Variants in CNTN4 observed in about 807,000 individuals in gnomAD.
CNTN4 encodes contactin-4.
Under a neutral mutation model 122.5 loss-of-function variants are expected in CNTN4, and 77 were observed. That is an observed-to-expected ratio of 0.63 (90% confidence interval 0.52 to 0.76). The LOEUF (loss-of-function observed/expected upper bound fraction) is 0.76, where lower values mean the gene tolerates loss of function less well. Ranked by LOEUF, CNTN4 falls within the 30% of genes least tolerant of loss-of-function variation. CNTN4 has a pLI of 0.00. For synonymous variants in CNTN4, 512 were observed against 447.0 expected (o/e 1.15, Z -1.83); for missense variants, 1,256 against 1,259.1 (o/e 1.00, Z 0.04).
chr3:2,816,683 T>C (rs6775981), intron 6 of CNTN4, among the ~76,000 whole-genome samples: 27,089 of 151,140 alleles, frequency 0.18, 2,688 homozygotes, highest in East Asian at 0.44. Context: ...TAGCTGGGCG[T>C]GGTGGTGCAT....
At chr3:2,116,499 G>A (rs1006922935) in intron 2 of CNTN4, among the ~76,000 whole-genome samples, 1 of 152,154 alleles carries the variant, frequency 6.6e-6, no homozygotes, top group African/African-American at 2.4e-5. Flanking sequence ...CTCTGGGAAT[G>A]AGTTTTAGGA....
intron 3 of CNTN4, among the ~76,000 whole-genome samples, chr3:2,391,598 G>A (rs574059133): frequency 6.6e-6 from 1 of 152,118 alleles, no homozygotes; most frequent in East Asian, 1.9e-4. Context: ...TTTTTTGTTG[G>A]GAAGTATAAT....
At chr3:2,168,219 A>G (rs765883004) in intron 2 of CNTN4, among the ~76,000 whole-genome samples, 36 of 152,342 alleles carry the variant, frequency 2.4e-4, no homozygotes, top group Middle Eastern at 3.4e-3. Flanking sequence ...AAATTTGATC[A>G]TATATGTAAA....
chr3:2,485,143 C>T (rs538418129), intron 3 of CNTN4, among the ~76,000 whole-genome samples: 26 of 152,342 alleles, frequency 1.7e-4, no homozygotes, highest in African/African-American at 4.3e-4. Flanking sequence ...GCTGCCTCCC[C>T]GTGGGGCAGG....
intron 4 of CNTN4, among the ~76,000 whole-genome samples, chr3:2,715,620 A>G (rs939062392): frequency 6.6e-6 from 1 of 152,198 alleles, no homozygotes; most frequent in African/African-American, 2.4e-5. Flanking sequence ...GGTAGTTCGA[A>G]CTATAGAAAT....
At chr3:2,221,702 A>T (rs974190197) in intron 2 of CNTN4, among the ~76,000 whole-genome samples, 5 of 152,144 alleles carry the variant, frequency 3.3e-5, no homozygotes, top group African/African-American at 9.6e-5. Flanking sequence ...AACAATAACA[A>T]GAATAATAAC....
At chr3:2,292,713 A>G (rs1481713213) in intron 2 of CNTN4, among the ~76,000 whole-genome samples, 1 of 152,224 alleles carries the variant, frequency 6.6e-6, no homozygotes, top group Non-Finnish European at 1.5e-5. Flanking sequence ...ACATTTTAAT[A>G]TTCATACATA....
chr3:2,295,743 G>A (rs1366939887), intron 2 of CNTN4, among the ~76,000 whole-genome samples: 1 of 152,088 alleles, frequency 6.6e-6, no homozygotes, highest in Admixed American at 6.5e-5. Flanking sequence ...TAGACATGAA[G>A]TCCTTGCCCA....
intron 3 of CNTN4, among the ~76,000 whole-genome samples, chr3:2,366,688 C>T (rs931926664): frequency 6.6e-6 from 1 of 151,666 alleles, no homozygotes; most frequent in Non-Finnish European, 1.5e-5. Flanking sequence ...GATTGCACCA[C>T]TGCGCTCCAG....
chr3:2,327,153 T>TGTGTGTGTGTTTG (rs1559455687), intron 2 of CNTN4, among the ~76,000 whole-genome samples: 3 of 114,118 alleles, frequency 2.6e-5, no homozygotes, highest in African/African-American at 6.0e-5. Flanking sequence ...GTGTGTGTGT[T>TGTGTGTGTGTTTG]TGTGTGTGTG....
intron 4 of CNTN4, among the ~76,000 whole-genome samples, chr3:2,627,825 C>T (rs2082271201): frequency 6.6e-6 from 1 of 152,114 alleles, no homozygotes; most frequent in African/African-American, 2.4e-5. Context: ...TGCATCAAAG[C>T]TTGTTTATTA....
At chr3:2,176,818 A>G (rs573824336) in intron 2 of CNTN4, among the ~76,000 whole-genome samples, 1 of 152,330 alleles carries the variant, frequency 6.6e-6, no homozygotes, top group South Asian at 2.1e-4. Context: ...AGCACAAGTA[A>G]TGCAAGAAAT....
At chr3:2,933,085 G>A (rs1348250064) in intron 13 of CNTN4, among the ~76,000 whole-genome samples, 1 of 152,142 alleles carries the variant, frequency 6.6e-6, no homozygotes, top group Admixed American at 6.5e-5. Context: ...GCCTCCCAAA[G>A]TGCTGGGATT....
chr3:2,493,088 G>A lies in CNTN4; in HGVS notation c.-88-78328G>A, dbSNP rs1551997. Reference sequence around the variant, plus strand: ...ATCTGAAAGTTCTTAAATTGTAGGCGTAAATGTTTCATTTTAATTGTGCAT... The same window carrying A: ...ATCTGAAAGTTCTTAAATTGTAGGCATAAATGTTTCATTTTAATTGTGCAT... On this transcript the variant is annotated intron_variant, in intron 3 of 24. Coordinates refer to ENST00000418658, the MANE Select transcript of CNTN4 (RefSeq NM_175607.3). Among the ~76,000 whole-genome samples, 101,417 of 152,040 alleles carry A rather than the reference G, an allele frequency of 0.67. 34,048 individuals are homozygous for A. Among genetic ancestry groups the A allele is most frequent in the Admixed American group, 0.71 (10,850 of 15,284 alleles).
At chr3:2,958,291 C>T (rs544434866) in intron 13 of CNTN4, among the ~76,000 whole-genome samples, 21 of 152,216 alleles carry the variant, frequency 1.4e-4, no homozygotes, top group Non-Finnish European at 2.4e-4. Context: ...AATAAGTGAG[C>T]ACCCCATTTT....
Position 2,866,771 on chromosome 3 carries a change from C to G in CNTN4, c.474C>G (p.Ile158Met). The G allele has an allele frequency of 6.2e-7, 1 of 1,613,884 alleles. No homozygotes were observed. The highest frequency in any genetic ancestry group is 2.2e-5 in the East Asian group (1 of 44,860). The change falls in exon 8 of 25, where the codon ATC (isoleucine) becomes ATG (methionine). Residue 158 changes from isoleucine to methionine, a missense_variant. Ile to Met is a conservative substitution (Grantham distance 10, BLOSUM62 1). Transcript: ENST00000418658. ...TTTCAGAGCTGAGTTATGCCTGGATCTTCAATGAATACCCTTCCTATCAGG... is the reference window on the plus strand; with the variant it reads ...TTTCAGAGCTGAGTTATGCCTGGATGTTCAATGAATACCCTTCCTATCAGG... The part of the protein sequence containing the change: ...PHSGELSYAW[I>M]FNEYPSYQDN...
chr3:2,106,600 A>G (rs542433514), intron 2 of CNTN4, among the ~76,000 whole-genome samples: 68 of 152,306 alleles, frequency 4.5e-4, no homozygotes, highest in African/African-American at 1.5e-3. Flanking sequence ...CCTAGGCTGT[A>G]CACAGCAGGG....
chr3:2,440,852 A>G (rs1280826552), intron 3 of CNTN4, among the ~76,000 whole-genome samples: 2 of 144,608 alleles, frequency 1.4e-5, no homozygotes, highest in African/African-American at 2.5e-5. Flanking sequence ...ATATACATAT[A>G]TACATATATC....
In CNTN4 at chr3:2,170,087, C is replaced by T. The variant is rs1183669548; in HGVS notation, c.-145+69448C>T. On this transcript the variant is annotated intron_variant, in intron 2 of 24. Coordinates refer to ENST00000418658, the MANE Select transcript of CNTN4 (RefSeq NM_175607.3). ...CTGTAATCCCAGCACTTTGGGAGGCCGAGGCGGGAGGATCACAAGGTCAGG... is the reference window on the plus strand; with the variant it reads ...CTGTAATCCCAGCACTTTGGGAGGCTGAGGCGGGAGGATCACAAGGTCAGG... Among the ~76,000 whole-genome samples the T allele has an allele frequency of 4.6e-5, 7 of 150,640 alleles. No individual in the cohort carries two copies. The East Asian group carries it at 5.9e-4, about 13-fold the overall frequency.
Sources: allele counts gnomAD v4.1 joint callset (sites outside exome capture counted in the v4.1 genomes callset), GRCh38; gene constraint gnomAD v4.1.1; transcripts MANE v1.5; gene names NCBI Gene and HGNC (gene_info 2026-07-23, HGNC 2026-07-21).